ACSF3: variants seen among roughly 807,000 people sequenced by gnomAD.
ACSF3 encodes malonate--CoA ligase ACSF3, mitochondrial.
In ACSF3, 78 loss-of-function variants were observed where a neutral mutation model predicts 53.2. The observed-to-expected ratio is 1.47, with a 90% CI of 1.22 to 1.77. The LOEUF is 1.77. Among genes scored for constraint, ACSF3 ranks in the 40% most tolerant of loss-of-function variants. The probability of loss-of-function intolerance (pLI) is 0.00; values close to 1 mark genes in which losing one functional copy is unlikely to be tolerated. For synonymous variants in ACSF3, 414 were observed against 333.1 expected (o/e 1.24, Z -2.65); for missense variants, 937 against 771.1 (o/e 1.22, Z -2.55).
intron 7 of ACSF3, among the ~76,000 whole-genome samples, chr16:89,130,803 A>G (rs2151512504): frequency 6.6e-6 from 1 of 152,206 alleles, no homozygotes; most frequent in African/African-American, 2.4e-5. Context: ...AATTTTATCA[A>G]ACGACTTTGT....
chr16:89,095,041 A>G (rs1974448636), intron 1 of ACSF3, among the ~76,000 whole-genome samples: 1 of 152,242 alleles, frequency 6.6e-6, no homozygotes, highest in Non-Finnish European at 1.5e-5. Context: ...TCCTGGGAGG[A>G]CAGACATTCG....
At chr16:89,112,297 G>T (rs778406393) in intron 5 of ACSF3, 51 bp downstream of exon 5, 2 of 1,601,294 alleles carry the variant, frequency 1.2e-6, no homozygotes, top group Non-Finnish European at 1.7e-6. Context: ...AAGATCAACA[G>T]ATACGACTTA....
chr16:89,142,792 C>G (rs551811652), intron 8 of ACSF3, among the ~76,000 whole-genome samples: 16 of 148,804 alleles, frequency 1.1e-4, no homozygotes, highest in African/African-American at 3.0e-4. Context: ...CACCTGCAGA[C>G]ACACCCACAC....
chr16:89,116,956 G>C (rs1229962992), intron 6 of ACSF3, among the ~76,000 whole-genome samples: 1 of 152,200 alleles, frequency 6.6e-6, no homozygotes. Flanking sequence ...TGACTGGTCT[G>C]TTGAGTCTCT....
At chr16:89,145,168 C>T (rs769000312) in intron 8 of ACSF3, 99 bp from the exon 9 acceptor site, 19 of 1,612,660 alleles carry the variant, frequency 1.2e-5, no homozygotes, top group African/African-American at 4.0e-5. Context: ...CAGAGGACAC[C>T]GTGGTGTTTA....
At chr16:89,118,945 G>A (rs1202248772) in intron 6 of ACSF3, among the ~76,000 whole-genome samples, 2 of 152,210 alleles carry the variant, frequency 1.3e-5, no homozygotes, top group Admixed American at 6.5e-5. Context: ...GAGCTCTCAT[G>A]TCCACACTGT....
intron 2 of ACSF3, among the ~76,000 whole-genome samples, chr16:89,099,166 TGTGCCCCTGGC>T (rs1422404096): frequency 6.6e-6 from 1 of 152,252 alleles, no homozygotes; most frequent in Non-Finnish European, 1.5e-5. Flanking sequence ...ATGCGGGGGC[TGTGCCCCTGGC>T]CTGTGTCCGC....
intron 10 of ACSF3, chr16:89,151,226 G>C (rs1455120623): frequency 6.5e-6 from 3 of 463,058 alleles, no homozygotes; most frequent in South Asian, 4.6e-5. Flanking sequence ...CGCAAACACT[G>C]AAACAGACTG....
chr16:89,098,472 ATGT>A (rs1384593859), intron 1 of ACSF3, 116 bp from the exon 2 acceptor site: 9 of 360,482 alleles, frequency 2.5e-5, no homozygotes, highest in South Asian at 1.8e-4. Flanking sequence ...TTATTTGATA[ATGT>A]TGTCTTTAGC....
At chr16:89,135,381 G>A (rs1910220265) in intron 8 of ACSF3, among the ~76,000 whole-genome samples, 2 of 152,250 alleles carry the variant, frequency 1.3e-5, no homozygotes, top group Non-Finnish European at 1.5e-5. Flanking sequence ...TGAGGCAGGT[G>A]TGCTAGGTGT....
intron 6 of ACSF3, among the ~76,000 whole-genome samples, chr16:89,118,867 C>G (rs1481181607): frequency 1.3e-5 from 2 of 152,170 alleles, no homozygotes; most frequent in Non-Finnish European, 2.9e-5. Context: ...GGCAGTGCCC[C>G]CCACCTGCCT....
rs188427215 is a variant in ACSF3, at chr16:89,107,183, A to G, written c.822+4424A>G. Among the ~76,000 whole-genome samples, 312 of 152,290 alleles carry G rather than the reference A, an allele frequency of 2.0e-3. 1 individual carries two copies. Among genetic ancestry groups the G allele is most frequent in the Non-Finnish European group, 3.4e-3 (234 of 68,010 alleles). On this transcript the variant is annotated intron_variant, in intron 4 of 10. Transcript: ENST00000614302. ...GGCCTCCAGGTCTTTCACGTCTTGG[A>G]AGTGTGGCAACACATTGGGATGTGC...
chr16:89,120,686 C>T, intron 6 of ACSF3, 115 bp from the exon 7 acceptor site: 1 of 1,008,380 alleles, frequency 9.9e-7, no homozygotes, highest in Non-Finnish European at 1.6e-6. Flanking sequence ...TCCCTCCACA[C>T]AGACTCCCGC....
In ACSF3 at chr16:89,101,283, A is replaced by G; in HGVS notation, c.602A>G (p.Tyr201Cys). Residue 201 changes from tyrosine to cysteine, a missense_variant, in exon 3 of 11, where the codon TAC becomes TGC. Physicochemically the swap from Tyr to Cys is radical, Grantham distance 194. Coordinates refer to ENST00000614302, the MANE Select transcript of ACSF3 (RefSeq NM_001243279.3). ...GWRNKGAMII[Y>C]TSGTTGRPKG... ...AGGAACAAGGGCGCCATGATCATCT[A>G]CACCAGTGGGACCACGGGGAGGCCC... The G allele has an allele frequency of 6.2e-7, 1 of 1,602,936 alleles. No homozygotes were observed. Among genetic ancestry groups the G allele is most frequent in the East Asian group, 2.3e-5 (1 of 44,388 alleles).
chr16:89,141,355 G>A (rs1911726165), intron 8 of ACSF3: 2 of 1,248,308 alleles, frequency 1.6e-6, no homozygotes, highest in South Asian at 2.5e-5. Flanking sequence ...GTGCTGAGAA[G>A]CTAGAACAAA....
At chr16:89,142,319 G>T (rs1911926414) in intron 8 of ACSF3, among the ~76,000 whole-genome samples, 1 of 152,182 alleles carries the variant, frequency 6.6e-6, no homozygotes, top group South Asian at 2.1e-4. Flanking sequence ...GGCAGGGAGA[G>T]ACCCCCAAAC....
chr16:89,103,369 G>A (rs1188211864), intron 4 of ACSF3, among the ~76,000 whole-genome samples: 4 of 152,252 alleles, frequency 2.6e-5, no homozygotes, highest in Non-Finnish European at 2.9e-5. Context: ...GGGCTGCTCC[G>A]TCAGGAGGCT....
At chr16:89,131,130 T>C (rs1205799075) in intron 7 of ACSF3, among the ~76,000 whole-genome samples, 1 of 95,040 alleles carries the variant, frequency 1.1e-5, no homozygotes, top group Non-Finnish European at 2.2e-5. Flanking sequence ...TCTTTTTCTT[T>C]TTTTTTTTTT....
chr16:89,143,861 G>A (rs1427594055), intron 8 of ACSF3, among the ~76,000 whole-genome samples: 2 of 147,272 alleles, frequency 1.4e-5, no homozygotes, highest in South Asian at 2.3e-4. Context: ...GCACGCCATG[G>A]GTCTCAAGGA....
Sources: gnomAD v4.1 joint callset for allele counts (sites outside exome capture counted in the v4.1 genomes callset) on GRCh38, gnomAD v4.1.1 for gene constraint, MANE v1.5 for transcripts, NCBI Gene and HGNC (gene_info 2026-07-23, HGNC 2026-07-21) for gene names.